TENM3: variants seen among roughly 807,000 people sequenced by gnomAD.
The protein encoded by TENM3 is teneurin-3.
Under a neutral mutation model 255.1 loss-of-function variants are expected in TENM3, and 63 were observed. That is an observed-to-expected ratio of 0.25 (90% CI 0.20 to 0.30). The LOEUF (loss-of-function observed/expected upper bound fraction) is 0.30. TENM3 is among the 10% of genes least tolerant of loss of function. The pLI, the probability that TENM3 is intolerant of heterozygous loss-of-function variation, is 1.00. For synonymous variants in TENM3, 1,306 were observed against 1,322.3 expected, an observed-to-expected ratio of 0.99 and a Z score of 0.27; for missense variants, 2,929 against 3,461.1, an observed-to-expected ratio of 0.85 and a Z score of 3.86.
At chr4:181,473,326 T>C in the TENM3 span, among the ~76,000 whole-genome samples, 1 of 152,146 alleles carries the variant, frequency 6.6e-6, no homozygotes, top group Non-Finnish European at 1.5e-5. Flanking sequence ...CGGTGGCTCA[T>C]GCCTGTAATC....
intron 14 of TENM3, among the ~76,000 whole-genome samples, chr4:182,729,756 A>G (rs1760538793): frequency 6.6e-6 from 1 of 152,212 alleles, no homozygotes; most frequent in African/African-American, 2.4e-5. Context: ...TATAGCCAGC[A>G]GTTGATTCAA....
chr4:182,014,039 T>C, the TENM3 span, among the ~76,000 whole-genome samples: 5 of 50,744 alleles, frequency 9.9e-5, no homozygotes, highest in Admixed American at 1.9e-4. Flanking sequence ...TATACACATA[T>C]ATACGTATAT....
the TENM3 span, among the ~76,000 whole-genome samples, chr4:181,554,868 ACTC>A: frequency 6.6e-6 from 1 of 152,180 alleles, no homozygotes; most frequent in Non-Finnish European, 1.5e-5. Context: ...CAGAAGAAGA[ACTC>A]AGCTTGATTT....
intron 1 of TENM3, among the ~76,000 whole-genome samples, chr4:182,250,041 T>A (rs1246598193): frequency 1.3e-5 from 2 of 151,196 alleles, no homozygotes; most frequent in East Asian, 3.9e-4. Context: ...TTTTTCTTTT[T>A]CTTTTCTTTT....
intron 1 of TENM3, among the ~76,000 whole-genome samples, chr4:182,284,426 G>C (rs1760599543): frequency 6.6e-6 from 1 of 152,166 alleles, no homozygotes; most frequent in South Asian, 2.1e-4. Context: ...AGGCAGTCTG[G>C]TATTTTAAAT....
chr4:181,707,246 T>C, the TENM3 span, among the ~76,000 whole-genome samples: 270 of 152,274 alleles, frequency 1.8e-3, no homozygotes, highest in African/African-American at 6.2e-3. Context: ...GAATACACTG[T>C]CTGGAAATGG....
At chr4:182,424,915 C>T (rs1392555015) in intron 3 of TENM3, among the ~76,000 whole-genome samples, 2 of 152,040 alleles carry the variant, frequency 1.3e-5, no homozygotes, top group Non-Finnish European at 1.5e-5. Context: ...AGATAAGCCC[C>T]AATTGAGTAT....
chr4:181,489,163 C>T, the TENM3 span, among the ~76,000 whole-genome samples: 1 of 152,180 alleles, frequency 6.6e-6, no homozygotes, highest in Admixed American at 6.5e-5. Context: ...AAGGCAGCCT[C>T]TGGCCTGAAA....
chr4:181,982,733 A>C, the TENM3 span, among the ~76,000 whole-genome samples: 1 of 152,152 alleles, frequency 6.6e-6, no homozygotes, highest in Non-Finnish European at 1.5e-5. Context: ...CACAGAAAGG[A>C]GGTCACATGC....
the TENM3 span, among the ~76,000 whole-genome samples, chr4:181,920,131 C>T: frequency 6.6e-6 from 1 of 151,980 alleles, no homozygotes; most frequent in Non-Finnish European, 1.5e-5. Flanking sequence ...TCCAGTCTAT[C>T]ATTGTTGGAC....
chr4:182,661,581 A>G (rs1754234076), intron 6 of TENM3, among the ~76,000 whole-genome samples: 1 of 152,142 alleles, frequency 6.6e-6, no homozygotes, highest in Non-Finnish European at 1.5e-5. Context: ...CAAAGTAGTT[A>G]TGTCTTATTT....
At chr4:181,966,332 C>G in the TENM3 span, among the ~76,000 whole-genome samples, 1 of 152,152 alleles carries the variant, frequency 6.6e-6, no homozygotes, top group Non-Finnish European at 1.5e-5. Context: ...AGTCTGTCCT[C>G]TAGACATTTG....
chr4:181,876,750 A>G, the TENM3 span, among the ~76,000 whole-genome samples: 1 of 152,120 alleles, frequency 6.6e-6, no homozygotes, highest in African/African-American at 2.4e-5. Context: ...TGTTAAGAAC[A>G]TTAGATATGC....
At chr4:182,798,594 TG>T (rs1258759204) in intron 27 of TENM3, among the ~76,000 whole-genome samples, 1 of 152,250 alleles carries the variant, frequency 6.6e-6, no homozygotes, top group Non-Finnish European at 1.5e-5. Context: ...TACAGTGGCA[TG>T]AAGACATACC....
intron 1 of TENM3, among the ~76,000 whole-genome samples, chr4:182,272,820 G>T (rs763805195): frequency 1.3e-5 from 2 of 152,162 alleles, no homozygotes; most frequent in African/African-American, 2.4e-5. Context: ...TGGGATAGGT[G>T]CTGTGAGTGA....
At chr4:182,752,080 A>G (rs1402443668) in intron 20 of TENM3, 48 bp downstream of exon 20, 1 of 1,172,160 alleles carries the variant, frequency 8.5e-7, no homozygotes, top group Non-Finnish European at 1.2e-6. Context: ...TATTAAAAAA[A>G]AAAAAAAAGG....
the TENM3 span, among the ~76,000 whole-genome samples, chr4:181,615,489 T>A: frequency 6.6e-6 from 1 of 152,232 alleles, no homozygotes; most frequent in Non-Finnish European, 1.5e-5. Context: ...CCATGTGCCC[T>A]TGAATGTATT....
At chr4:182,293,759 CG>C (rs145640769) in intron 1 of TENM3, among the ~76,000 whole-genome samples, 18,231 of 152,142 alleles carry the variant, frequency 0.12, 1,289 homozygotes, top group Middle Eastern at 0.25. Context: ...GCGCCCACCC[CG>C]AGTCCCTTCC....
chr4:182,682,463 C>G (rs1443199028), intron 11 of TENM3, among the ~76,000 whole-genome samples: 1 of 152,122 alleles, frequency 6.6e-6, no homozygotes, highest in African/African-American at 2.4e-5. Flanking sequence ...ATAAATGGTT[C>G]AACACTGAGT....
Sources: gnomAD v4.1 joint callset for allele counts (sites outside exome capture counted in the v4.1 genomes callset) on GRCh38, gnomAD v4.1.1 for gene constraint, MANE v1.5 for transcripts, NCBI Gene and HGNC (gene_info 2026-07-23, HGNC 2026-07-21) for gene names.